The following CTNNA3 variants were observed in gnomAD, a reference collection of about 807,000 sequenced individuals.
CTNNA3 encodes catenin alpha-3.
In CTNNA3, 76 loss-of-function variants were observed where a neutral mutation model predicts 95.7. The observed-to-expected ratio is 0.79, with a 90% confidence interval of 0.66 to 0.96. The LOEUF is 0.96. Among genes scored for constraint, CTNNA3 ranks in the 40% least tolerant of loss-of-function variants. The pLI is 0.00. For synonymous variants in CTNNA3, 431 were observed against 374.4 expected (o/e 1.15, Z -1.74); for missense variants, 1,191 against 1,089.8 (o/e 1.09, Z -1.31).
intron 17 of CTNNA3, among the ~76,000 whole-genome samples, chr10:65,956,452 C>T (rs1314897503): frequency 6.6e-6 from 1 of 152,084 alleles, no homozygotes; most frequent in Non-Finnish European, 1.5e-5. Flanking sequence ...TTTGCTCTTG[C>T]TTCTCTAGTT....
At chr10:66,040,046 C>G (rs1398569351) in intron 15 of CTNNA3, among the ~76,000 whole-genome samples, 1 of 152,018 alleles carries the variant, frequency 6.6e-6, no homozygotes, top group African/African-American at 2.4e-5. Flanking sequence ...CAAACAACCC[C>G]ATATAAAAAT....
intron 9 of CTNNA3, among the ~76,000 whole-genome samples, chr10:66,666,837 T>A (rs1846469163): frequency 6.6e-6 from 1 of 152,032 alleles, no homozygotes; most frequent in Non-Finnish European, 1.5e-5. Context: ...ATAAAGCACA[T>A]ATAATGTACA....
At chr10:66,435,803 C>T (rs192602729) in intron 11 of CTNNA3, among the ~76,000 whole-genome samples, 124 of 152,242 alleles carry the variant, frequency 8.1e-4, no homozygotes, top group African/African-American at 2.9e-3. Context: ...CCTGCTTTCT[C>T]CTGTGGGCAC....
intron 14 of CTNNA3, among the ~76,000 whole-genome samples, chr10:66,088,496 TGTGTG>T (rs2081074107): frequency 9.1e-6 from 1 of 109,698 alleles, no homozygotes; most frequent in Non-Finnish European, 2.1e-5. Flanking sequence ...TGTGTGTGTG[TGTGTG>T]TGTGTGTGTG....
intron 10 of CTNNA3, among the ~76,000 whole-genome samples, chr10:66,619,227 C>T (rs1190655350): frequency 4.0e-5 from 6 of 151,046 alleles, no homozygotes; most frequent in African/African-American, 9.7e-5. Context: ...ACCCAAAGGA[C>T]TATAAATCAT....
chr10:67,392,154 C>T (rs1175660455), intron 5 of CTNNA3, among the ~76,000 whole-genome samples: 1 of 152,168 alleles, frequency 6.6e-6, no homozygotes, highest in Non-Finnish European at 1.5e-5. Context: ...ACAACCTACT[C>T]ATCTGACAAA....
At chr10:67,467,187 A>G (rs1202924664) in intron 5 of CTNNA3, among the ~76,000 whole-genome samples, 3 of 152,122 alleles carry the variant, frequency 2.0e-5, no homozygotes, top group Admixed American at 6.6e-5. Context: ...TCTCATAGTA[A>G]CAAAGTTTCA....
chr10:66,517,330 G>T (rs577015671), intron 11 of CTNNA3, among the ~76,000 whole-genome samples: 1 of 152,082 alleles, frequency 6.6e-6, no homozygotes, highest in Non-Finnish European at 1.5e-5. Flanking sequence ...AACCTACTGG[G>T]CTGCATTCCT....
intron 1 of CTNNA3, among the ~76,000 whole-genome samples, chr10:67,744,658 C>T (rs1446867158): frequency 1.3e-5 from 2 of 150,898 alleles, no homozygotes; most frequent in Non-Finnish European, 3.0e-5. Flanking sequence ...CAAATGGGAT[C>T]TAATTAAACT....
At chr10:66,360,726 TTCTTTC>T (rs2092657194) in intron 12 of CTNNA3, among the ~76,000 whole-genome samples, 1 of 15,854 alleles carries the variant, frequency 6.3e-5, no homozygotes. Context: ...CTTTCTTCCT[TTCTTTC>T]TTTCTTTCTT....
At chr10:66,597,506 TC>T (rs1843748880) in intron 10 of CTNNA3, among the ~76,000 whole-genome samples, 1 of 94,658 alleles carries the variant, frequency 1.1e-5, no homozygotes, top group African/African-American at 3.8e-5. Context: ...GCATTTTATT[TC>T]ATACATATAT....
rs368040341 is a variant in CTNNA3, at chr10:66,191,703, T to C, written c.1885-88454A>G. 4.6e-5 allele frequency among the ~76,000 whole-genome samples: 7 copies of C among 152,178 alleles called. 1 individual carries two copies. In the South Asian group the frequency reaches 1.0e-3, roughly 22 times the overall value. Reference sequence around the variant, plus strand: ...ACTCAGATTCTGAGACATTCTTTCATGATCATGGATCTATGGCTCATTTTC... The same window carrying C: ...ACTCAGATTCTGAGACATTCTTTCACGATCATGGATCTATGGCTCATTTTC... On this transcript the variant is annotated intron_variant, in intron 13 of 17. Transcript: ENST00000433211.
intron 11 of CTNNA3, among the ~76,000 whole-genome samples, chr10:66,442,616 T>C (rs1230709981): frequency 6.6e-6 from 1 of 152,214 alleles, no homozygotes; most frequent in Non-Finnish European, 1.5e-5. Flanking sequence ...AAAAAATAGC[T>C]TTATTCCCCT....
At chr10:66,087,398 C>T (rs2081026887) in intron 14 of CTNNA3, among the ~76,000 whole-genome samples, 2 of 152,196 alleles carry the variant, frequency 1.3e-5, no homozygotes, top group South Asian at 4.2e-4. Flanking sequence ...TGGCTGTTTC[C>T]CCAGACAATG....
chr10:66,547,360 T>TTTTTTTTTTTTTTTTTTTTTTTA, intron 10 of CTNNA3, among the ~76,000 whole-genome samples: 1 of 140,162 alleles, frequency 7.1e-6, no homozygotes, highest in East Asian at 2.2e-4. Flanking sequence ...TTTTTTTTTT[T>TTTTTTTTTTTTTTTTTTTTTTTA]TGAGATAGAG....
At chr10:66,455,927 C>T (rs2093492235) in intron 11 of CTNNA3, among the ~76,000 whole-genome samples, 1 of 152,140 alleles carries the variant, frequency 6.6e-6, no homozygotes, top group Non-Finnish European at 1.5e-5. Flanking sequence ...ATGAATGTAA[C>T]TATAAACTGA....
rs188917392 is a variant in CTNNA3 at position 67,062,366 on chromosome 10, A to C, written c.1047+117951T>G. ...CAGCAGTGCTATTCCTCAAAGCAAT[A>C]ATCTGCATAGTTTTAAAATTAGTGG... On this transcript the variant is annotated intron_variant, in intron 7 of 17. Coordinates refer to ENST00000433211, the MANE Select transcript of CTNNA3 (RefSeq NM_013266.4). Among the ~76,000 whole-genome samples the C allele has an allele frequency of 2.0e-5, 3 of 152,332 alleles. No individual in the cohort carries two copies. The East Asian group carries it at 5.8e-4, about 29-fold the overall frequency.
chr10:66,479,392 A>G (rs766303713), intron 11 of CTNNA3, among the ~76,000 whole-genome samples: 6 of 152,062 alleles, frequency 3.9e-5, no homozygotes, highest in Non-Finnish European at 8.8e-5. Context: ...TTGTACTTTC[A>G]TATAAAATCT....
chr10:66,217,453 T>C (rs10996982), intron 13 of CTNNA3, among the ~76,000 whole-genome samples: 3,575 of 152,282 alleles, frequency 0.023, 58 homozygotes, highest in South Asian at 0.1. Context: ...AATTGTTGCA[T>C]GTATCAAGTT....
Sources: gnomAD v4.1 joint callset for allele counts (sites outside exome capture counted in the v4.1 genomes callset) on GRCh38, gnomAD v4.1.1 for gene constraint, MANE v1.5 for transcripts, NCBI Gene and HGNC (gene_info 2026-07-23, HGNC 2026-07-21) for gene names.